The following KIAA0232 variants were observed in gnomAD, a reference collection of about 807,000 sequenced individuals.
KIAA0232 encodes the protein uncharacterized protein KIAA0232.
A neutral mutation model predicts 122.0 loss-of-function variants in KIAA0232; 27 were observed. The observed-to-expected ratio is 0.22, with a 90% confidence interval of 0.16 to 0.31. The LOEUF (loss-of-function observed/expected upper bound fraction) is 0.31, where lower values mean the gene tolerates loss of function less well. Ranked by LOEUF, KIAA0232 falls within the 10% of genes least tolerant of loss-of-function variation. The probability of loss-of-function intolerance (pLI) is 1.00; values close to 1 mark genes in which losing one functional copy is unlikely to be tolerated. For synonymous variants in KIAA0232, 613 were observed against 587.6 expected, an observed-to-expected ratio of 1.04 and a Z score of -0.63; for missense variants, 1,551 against 1,634.2, an observed-to-expected ratio of 0.95 and a Z score of 0.88.
chr4:6,827,167 C>T (rs1340536654), intron 3 of KIAA0232, among the ~76,000 whole-genome samples: 1 of 152,194 alleles, frequency 6.6e-6, no homozygotes, highest in Non-Finnish European at 1.5e-5. Context: ...TGAAGAAGGT[C>T]AAATTTTAAA....
chr4:6,807,973 C>T, intron 2 of KIAA0232, among the ~76,000 whole-genome samples: 1 of 152,168 alleles, frequency 6.6e-6, no homozygotes, highest in Non-Finnish European at 1.5e-5. Context: ...GTGGCTGAGG[C>T]AGGAGAATCC....
At chr4:6,856,516 GACTCTTCTATGT>G (rs1423678479) in intron 4 of KIAA0232, among the ~76,000 whole-genome samples, 5 of 151,992 alleles carry the variant, frequency 3.3e-5, no homozygotes, top group African/African-American at 7.3e-5. Flanking sequence ...CCCAAATCCA[GACTCTTCTATGT>G]ACTCTCCTTA....
At chr4:6,847,410 A>G (rs1174414604) in intron 4 of KIAA0232, among the ~76,000 whole-genome samples, 1 of 152,190 alleles carries the variant, frequency 6.6e-6, no homozygotes, top group Non-Finnish European at 1.5e-5. Context: ...TGCTCAGCTC[A>G]TTATTTTATG....
chr4:6,804,872 T>C (rs768867422), intron 2 of KIAA0232, among the ~76,000 whole-genome samples: 18 of 152,202 alleles, frequency 1.2e-4, no homozygotes, highest in African/African-American at 1.4e-4. Context: ...GAGAAAATTC[T>C]TTCTGATTAG....
chr4:6,787,509 C>T (rs1231559620), intron 1 of KIAA0232, among the ~76,000 whole-genome samples: 1 of 152,188 alleles, frequency 6.6e-6, no homozygotes, highest in African/African-American at 2.4e-5. Flanking sequence ...ACAAGGTAAT[C>T]AGATGTTTTG....
In KIAA0232 at chr4:6,824,273, A is replaced by C; in HGVS notation, c.-181A>C. The C allele has an allele frequency of 1.6e-6, 1 of 611,818 alleles. No homozygotes were observed. Among genetic ancestry groups the C allele is most frequent in the Non-Finnish European group, 2.9e-6 (1 of 341,092 alleles). 37.9% of individuals were successfully genotyped at this position (611,818 alleles called of 1,614,324 possible). A position where few individuals can be genotyped will look rare whatever the true frequency, so the allele number is the denominator to read the frequency against. Reference sequence around the variant, plus strand: ...CATGTTGCTATCAGGATGTTGATTCATTAGTCATGCCTGAAGAGGGAAAGT... The same window carrying C: ...CATGTTGCTATCAGGATGTTGATTCCTTAGTCATGCCTGAAGAGGGAAAGT... On this transcript the variant is annotated 5_prime_UTR_variant, in exon 3 of 10. Transcript: ENST00000307659.
intron 6 of KIAA0232, 41 bp from the exon 7 acceptor site, chr4:6,860,860 T>C (rs777533035): frequency 1.3e-6 from 2 of 1,550,000 alleles, no homozygotes; most frequent in Non-Finnish European, 8.7e-7. Flanking sequence ...ATCTAAAAAA[T>C]CTGCATACTC....
chr4:6,807,794 C>T (rs1348865239), intron 2 of KIAA0232, among the ~76,000 whole-genome samples: 1 of 152,202 alleles, frequency 6.6e-6, no homozygotes, highest in Non-Finnish European at 1.5e-5. Flanking sequence ...ACAGACAAGG[C>T]CAGGCACAGT....
chr4:6,796,679 A>G (rs1717148468), intron 1 of KIAA0232, among the ~76,000 whole-genome samples: 1 of 152,142 alleles, frequency 6.6e-6, no homozygotes, highest in South Asian at 2.1e-4. Flanking sequence ...CAAGAAGGTG[A>G]CTCTTATGGC....
Position 6,850,947 on chromosome 4 carries a change from C to T in KIAA0232, c.370-6217C>T, listed in dbSNP as rs1007400857. ...CCTCCCAAAGTGCTGAGATTACAGG[C>T]GTGAGCCACCATGCTCGGCCGAAAG... On this transcript the variant is annotated intron_variant, in intron 4 of 9. Transcript: ENST00000307659. 3.3e-5 allele frequency among the ~76,000 whole-genome samples: 5 copies of T among 152,148 alleles called. No individual in the cohort carries two copies. The South Asian group carries it at 6.2e-4, about 19-fold the overall frequency.
rs554909086 is a variant in KIAA0232 at position 6,793,424 on chromosome 4, T to C, written c.-354+10583T>C. Among the ~76,000 whole-genome samples the C allele has an allele frequency of 3.9e-5, 6 of 152,336 alleles. No homozygotes were observed. In the East Asian group the frequency reaches 1.2e-3, roughly 29 times the overall value. ...GGTACTGAACTGTAGTTTTAGATTT[T>C]GTATTGGTTTGTGTTTGAAAAAGTA... On this transcript the variant is annotated intron_variant, in intron 1 of 9. Transcript: ENST00000307659.
chr4:6,841,292 C>T lies in KIAA0232; in HGVS notation c.232-775C>T, dbSNP rs142190567. 1.6e-4 allele frequency among the ~76,000 whole-genome samples: 25 copies of T among 152,310 alleles called. No homozygotes were observed. In the East Asian group the frequency reaches 4.0e-3, roughly 25 times the overall value. ...CCAGCAGCATTTTTCATACTGGATACGCAGTGCAAAGGAAATTTCTTTATC... is the reference window on the plus strand; with the variant it reads ...CCAGCAGCATTTTTCATACTGGATATGCAGTGCAAAGGAAATTTCTTTATC... On this transcript the variant is annotated intron_variant, in intron 3 of 9. Coordinates refer to ENST00000307659, the MANE Select transcript of KIAA0232 (RefSeq NM_014743.3).
intron 7 of KIAA0232, among the ~76,000 whole-genome samples, chr4:6,868,995 T>G (rs956146075): frequency 1.3e-5 from 2 of 152,144 alleles, no homozygotes; most frequent in African/African-American, 4.8e-5. Flanking sequence ...TGGCGGAAAC[T>G]TTTCTTCACG....
intron 1 of KIAA0232, among the ~76,000 whole-genome samples, chr4:6,800,578 G>A (rs1454569073): frequency 6.6e-6 from 1 of 151,820 alleles, no homozygotes; most frequent in Admixed American, 6.6e-5. Context: ...CTACGCAGGA[G>A]GCTGATGCAG....
intron 3 of KIAA0232, among the ~76,000 whole-genome samples, chr4:6,837,799 A>C (rs1719404374): frequency 6.6e-6 from 1 of 152,116 alleles, no homozygotes; most frequent in Admixed American, 6.5e-5. Context: ...CAGCAATCCC[A>C]GGCACCGGGC....
At chr4:6,801,329 C>T (rs1229421293) in intron 1 of KIAA0232, among the ~76,000 whole-genome samples, 1 of 152,170 alleles carries the variant, frequency 6.6e-6, no homozygotes, top group Non-Finnish European at 1.5e-5. Context: ...TCTAGAGATT[C>T]ATTTCACCTT....
Position 6,855,960 on chromosome 4 carries a change from C to A in KIAA0232, c.370-1204C>A. On this transcript the variant is annotated intron_variant, in intron 4 of 9. Transcript: ENST00000307659. This position sits in a 1 kb window ranked among gnomAD's most constrained non-coding sequence, Gnocchi z 4.3. ...GAACAGTGTTTATGACTAATATCTG[C>A]CATCGTTTTTAAGAGTGTTTTTAAA... The A allele has an allele frequency of 1.7e-6, 1 of 605,896 alleles. No homozygotes were observed. Among genetic ancestry groups the A allele is most frequent in the Non-Finnish European group, 2.1e-6 (1 of 483,276 alleles). The allele number at this position is 605,896 out of a possible 1,614,324, so 37.5% of individuals were successfully genotyped here. A position where few individuals can be genotyped will look rare whatever the true frequency, so the allele number is the denominator to read the frequency against.
chr4:6,876,256 G>A (rs370328390), intron 8 of KIAA0232, among the ~76,000 whole-genome samples: 2 of 152,270 alleles, frequency 1.3e-5, no homozygotes, highest in Non-Finnish European at 2.9e-5. Flanking sequence ...TCCTATGAAC[G>A]TGCTATGATG....
intron 1 of KIAA0232, among the ~76,000 whole-genome samples, chr4:6,787,429 G>A (rs771903649): frequency 3.9e-5 from 6 of 152,126 alleles, no homozygotes; most frequent in Non-Finnish European, 7.3e-5. Context: ...AACTGAGAAC[G>A]GTTATTCCTG....
Sources: allele counts gnomAD v4.1 joint callset (sites outside exome capture counted in the v4.1 genomes callset), GRCh38; gene constraint gnomAD v4.1.1; non-coding constraint Gnocchi (gnomAD v3.1); transcripts MANE v1.5; gene names NCBI Gene and HGNC (gene_info 2026-07-23, HGNC 2026-07-21).